Variants in SHF observed in about 807,000 individuals in gnomAD.
The protein encoded by SHF is Src homology 2 domain containing F, also known as SH2 domain-containing adapter protein F.
In SHF, 30 loss-of-function variants were observed where a neutral mutation model predicts 42.4. The observed-to-expected ratio is 0.71, with a 90% CI of 0.53 to 0.96. The LOEUF is 0.96. Among genes scored for constraint, SHF ranks in the 40% least tolerant of loss-of-function variants. SHF has a pLI of 0.00. For missense variants in SHF, 598 were observed against 634.0 expected, an observed-to-expected ratio of 0.94 and a Z score of 0.61; for synonymous variants, 264 against 269.9, an observed-to-expected ratio of 0.98 and a Z score of 0.21.
intron 1 of SHF, among the ~76,000 whole-genome samples, 152 bp from the exon 2 acceptor site, chr15:45,178,458 G>A (rs1333007260): frequency 6.6e-6 from 1 of 152,074 alleles, no homozygotes; most frequent in Non-Finnish European, 1.5e-5. Flanking sequence ...GAGCTTGGAT[G>A]GGGACAAGCT....
At position 45,187,605 on chromosome 15, in the gene SHF, G is replaced by A. The variant is rs1050948633; in HGVS notation, c.347C>T (p.Ser116Phe). Residue 116 changes from serine (S) to phenylalanine (F), a missense_variant, in exon 1 of 7, where the codon TCC becomes TTC. By Grantham distance (155) the Ser-to-Phe change is radical. Transcript: ENST00000690270. ...EDPYSGGSSG[S>F]AALATPVAPG... is the part of the protein sequence containing the mutation. ...GGCGACAGGGGTGGCGAGGGCGGCG[G>A]AGCCGGACGACCCCCCGGAGTAGGG... 43 of 1,230,168 alleles carry A rather than the reference G, an allele frequency of 3.5e-5. No homozygotes were observed. Among genetic ancestry groups the A allele is most frequent in the Admixed American group, 8.5e-5 (2 of 23,654 alleles). The allele number at this position is 1,230,168 out of a possible 1,614,324, so 76.2% of individuals were successfully genotyped here. A position where few individuals can be genotyped will look rare whatever the true frequency, so the allele number is the denominator to read the frequency against.
At chr15:45,190,972 G>T (rs1898694552), upstream of SHF, among the ~76,000 whole-genome samples, 1 of 152,172 alleles carries the variant, frequency 6.6e-6, no homozygotes, top group South Asian at 2.1e-4. Context: ...ATGGAGTCAG[G>T]CAGCTTGATA....
intron 4 of SHF, among the ~76,000 whole-genome samples, chr15:45,172,749 C>A (rs755897259): frequency 7.8e-4 from 118 of 152,206 alleles, no homozygotes; most frequent in Non-Finnish European, 5.4e-4. Flanking sequence ...AATGACTTAT[C>A]GATCTGAGAA....
At position 45,187,709 on chromosome 15, in the gene SHF, G is replaced by A; in HGVS notation, c.243C>T (p.Pro81=). 1 of 1,104,538 alleles carries A rather than the reference G, an allele frequency of 9.1e-7. No individual in the cohort carries two copies. Among genetic ancestry groups the A allele is most frequent in the Non-Finnish European group, 1.1e-6 (1 of 873,990 alleles). 68.4% of individuals were successfully genotyped at this position (1,104,538 alleles called of 1,614,324 possible). The change falls in exon 1 of 7, where the codon CCC becomes CCT. Residue 81 remains proline, a synonymous_variant. Transcript: ENST00000690270. The part of the protein sequence containing the change: ...PPEPDYRPPA[P]SPAAPPAPPP... ...GCGGCGCGGGGGGCGCGGCCGGAGA[G>A]GGCGCAGGGGGGCGGTAGTCGGGCT...
At chr15:45,178,481 T>C (rs1385478541) in intron 1 of SHF, among the ~76,000 whole-genome samples, 175 bp from the exon 2 acceptor site, 1 of 151,690 alleles carries the variant, frequency 6.6e-6, no homozygotes, top group Non-Finnish European at 1.5e-5. Flanking sequence ...GGCTCTTCCT[T>C]TGCAGGGCTC....
intron 1 of SHF, among the ~76,000 whole-genome samples, chr15:45,184,748 C>T (rs1476957920): frequency 2.0e-5 from 3 of 152,280 alleles, no homozygotes; most frequent in Non-Finnish European, 4.4e-5. Context: ...CTCTAGCCCC[C>T]ACTGCCAGAG....
intron 1 of SHF, among the ~76,000 whole-genome samples, chr15:45,182,683 CAAAGA>C (rs2141396478): frequency 1.3e-5 from 2 of 152,250 alleles, no homozygotes; most frequent in East Asian, 3.9e-4. Flanking sequence ...AGTCCTGCAG[CAAAGA>C]AATCAGTCTA....
chr15:45,191,956 G>A (rs1030115115), upstream of SHF, among the ~76,000 whole-genome samples: 4 of 150,580 alleles, frequency 2.7e-5, no homozygotes, highest in Non-Finnish European at 4.4e-5. Flanking sequence ...AGTAAGTGTG[G>A]TGTAAACCTA....
In SHF at chr15:45,172,301, C is replaced by A; in HGVS notation, c.1006G>T (p.Glu336Ter). 1 of 1,606,366 alleles carries A rather than the reference C, an allele frequency of 6.2e-7. No homozygotes were observed. The highest frequency in any genetic ancestry group is 1.1e-5 in the South Asian group (1 of 89,840). ...CGGCCAGGTGACAGGCAGCTCTTCT[C>A]CGGTCCTTCAAACTGGGCTGTGGGG... ...EDSSAQFEGP[E>*]KSCLSPGREE... Residue 336 changes from glutamate to a stop codon, truncating the protein, a stop_gained, in exon 5 of 7, where the codon GAG (glutamate) becomes TAG (stop). Coordinates refer to ENST00000690270, the MANE Select transcript of SHF (RefSeq NM_001394037.1). LOFTEE classifies it high-confidence loss of function.
At chr15:45,197,546 T>C (rs1898904645) in intron 2 of SHF, among the ~76,000 whole-genome samples, 4 of 152,162 alleles carry the variant, frequency 2.6e-5, no homozygotes, top group Non-Finnish European at 2.9e-5. Context: ...TCCCTGCCCT[T>C]CCCACCTGAA....
At chr15:45,196,097 GT>G (rs58593409) in intron 2 of SHF, among the ~76,000 whole-genome samples, 1,559 of 129,270 alleles carry the variant, frequency 0.012, 6 homozygotes, top group African/African-American at 0.035. Flanking sequence ...CTGACTTCCT[GT>G]TTTTTTTTTT....
rs1050356545 is a variant in SHF, at chr15:45,178,494, C to CTACTAG, written c.499-194_499-189dup. On this transcript the variant is annotated intron_variant, in intron 1 of 6. Coordinates refer to ENST00000690270, the MANE Select transcript of SHF (RefSeq NM_001394037.1). ...CTGGCTCTTCCTTTGCAGGGCTCCC[C>CTACTAG]TACTAGGCTGCCAACCAAGTGGTAC... 2.3e-4 allele frequency among the ~76,000 whole-genome samples: 35 copies of CTACTAG among 151,892 alleles called. 1 individual carries two copies. Among genetic ancestry groups the CTACTAG allele is most frequent in the Non-Finnish European group, 4.3e-4 (29 of 67,960 alleles).
chr15:45,179,319 A>G (rs1897998484), intron 1 of SHF, among the ~76,000 whole-genome samples: 1 of 152,234 alleles, frequency 6.6e-6, no homozygotes, highest in South Asian at 2.1e-4. Context: ...AAGGCTGCCA[A>G]CCTGCCACCA....
chr15:45,196,124 G>T (rs1193110846), intron 2 of SHF, among the ~76,000 whole-genome samples: 1 of 137,412 alleles, frequency 7.3e-6, no homozygotes, highest in Non-Finnish European at 1.5e-5. Flanking sequence ...TTGAGATGGA[G>T]TCTGGCTCTG....
intron 1 of SHF, among the ~76,000 whole-genome samples, chr15:45,182,338 CTCTG>C (rs1470416170): frequency 6.6e-6 from 1 of 152,164 alleles, no homozygotes; most frequent in East Asian, 1.9e-4. Context: ...ATGTGTAGAC[CTCTG>C]TCTTTTTATC....
At chr15:45,195,335 T>C (rs1898832607) in intron 2 of SHF, among the ~76,000 whole-genome samples, 1 of 152,192 alleles carries the variant, frequency 6.6e-6, no homozygotes, top group African/African-American at 2.4e-5. Flanking sequence ...GAGCATAAAC[T>C]TTTTTGACTC....
chr15:45,171,715 G>T (rs1210604144), intron 6 of SHF, 168 bp downstream of exon 6: 5 of 677,730 alleles, frequency 7.4e-6, no homozygotes, highest in Non-Finnish European at 1.2e-5. Flanking sequence ...AATGGACTCT[G>T]AGCTCCTTGA....
Position 45,187,760 on chromosome 15 carries a change from TCCG to T in SHF, c.189_191del (p.Gly66del). The T allele has an allele frequency of 4.9e-5, 46 of 943,444 alleles. No homozygotes were observed. The highest frequency in any genetic ancestry group is 5.9e-5 in the Non-Finnish European group (43 of 734,106). The allele number at this position is 943,444 out of a possible 1,614,324, so 58.4% of individuals were successfully genotyped here. A position where few individuals can be genotyped will look rare whatever the true frequency, so the allele number is the denominator to read the frequency against. ...CGGGGGGCGCCGGCTTGCTGCCCCC[TCCG>T]CCGCCGCCCCCCCCGCGGAAGCCCA... On this transcript the variant is annotated inframe_deletion, in exon 1 of 7. Transcript: ENST00000690270.
At chr15:45,194,076 T>C (rs1898792717) in intron 2 of SHF, among the ~76,000 whole-genome samples, 1 of 129,422 alleles carries the variant, frequency 7.7e-6, no homozygotes, top group South Asian at 2.5e-4. Context: ...TACTCCAGCC[T>C]GGGCAGCATA....
Sources: allele counts gnomAD v4.1 joint callset (sites outside exome capture counted in the v4.1 genomes callset), GRCh38; gene constraint gnomAD v4.1.1; transcripts MANE v1.5; gene names NCBI Gene and HGNC (gene_info 2026-07-23, HGNC 2026-07-21).